PHACTR2: variants seen among roughly 807,000 people sequenced by gnomAD.
The protein encoded by PHACTR2 is chromosome 6 open reading frame 56.
In PHACTR2, 30 loss-of-function variants were observed where a neutral mutation model predicts 76.0. The ratio of observed to expected loss-of-function variants is 0.39; its 90% CI spans 0.30 to 0.54. The LOEUF (loss-of-function observed/expected upper bound fraction) is 0.54, where lower values mean the gene tolerates loss of function less well. Among genes scored for constraint, PHACTR2 ranks in the 20% least tolerant of loss-of-function variants. The probability of loss-of-function intolerance (pLI) is 0.61; values close to 1 mark genes in which losing one functional copy is unlikely to be tolerated. For missense variants in PHACTR2, 696 were observed against 781.1 expected, an observed-to-expected ratio of 0.89 and a Z score of 1.30; for synonymous variants, 292 against 292.5, an observed-to-expected ratio of 1.00 and a Z score of 0.02.
intron 5 of PHACTR2, among the ~76,000 whole-genome samples, chr6:143,762,126 A>G (rs1779456688): frequency 6.6e-6 from 1 of 152,136 alleles, no homozygotes; most frequent in Non-Finnish European, 1.5e-5. Context: ...AAACCCTAGA[A>G]GCACTGCTTA....
chr6:143,565,822 G>A (rs9376759), intron 1 of PHACTR2, among the ~76,000 whole-genome samples: 86,798 of 151,522 alleles, frequency 0.57, 25,579 homozygotes, highest in Middle Eastern at 0.71. Context: ...GCTGCAGGGT[G>A]GAGTGAGGGC....
rs1194326146 is a variant in PHACTR2, at chr6:143,570,232, T to A, written c.217+33025T>A. Among the ~76,000 whole-genome samples, 1 of 152,220 alleles carries A rather than the reference T, an allele frequency of 6.6e-6. No homozygotes were observed. The highest frequency in any genetic ancestry group is 6.5e-5 in the Admixed American group (1 of 15,280). The stretch of plus-strand genomic sequence containing the variant: ...GTGTGCATGACATTTTTAGAAATAA[T>A]GATTTGCTTTGCTGATATTAAAAAA... On this transcript the variant is annotated intron_variant, in intron 1 of 11. Coordinates refer to the PHACTR2 transcript ENST00000367584. This position sits in a 1 kb window ranked among gnomAD's most constrained non-coding sequence, Gnocchi z 4.6.
In PHACTR2 at chr6:143,700,846, A is replaced by G. The variant is rs563285757; in HGVS notation, c.47-11170A>G. ...ACTCCGGGAGTTGTTGTATATGACTAACATCTACGGGGAACAAGATAGGTT... is the reference window on the plus strand; with the variant it reads ...ACTCCGGGAGTTGTTGTATATGACTGACATCTACGGGGAACAAGATAGGTT... On this transcript the variant is annotated intron_variant, in intron 1 of 12. Coordinates refer to ENST00000440869, the MANE Select transcript of PHACTR2 (RefSeq NM_001100164.2). This position sits in a 1 kb window ranked among gnomAD's most constrained non-coding sequence, Gnocchi z 4.1. Among the ~76,000 whole-genome samples the G allele has an allele frequency of 2.0e-5, 3 of 152,328 alleles. No homozygotes were observed. Among genetic ancestry groups the G allele is most frequent in the Admixed American group, 1.3e-4 (2 of 15,304 alleles).
Position 143,731,351 on chromosome 6 carries a change from G to A in PHACTR2, c.215-17634G>A, listed in dbSNP as rs112853525. Among the ~76,000 whole-genome samples the A allele has an allele frequency of 0.098, 14,841 of 151,902 alleles. 1,336 individuals carry two copies. Among genetic ancestry groups the A allele is most frequent in the African/African-American group, 0.24 (9,832 of 41,392 alleles). ...TGCCCAGGCTGGAGTGCAATGGCAC[G>A]GTCTTGGCTCACAGCAACCTCCGCC... On this transcript the variant is annotated intron_variant, in intron 2 of 12. Coordinates refer to ENST00000440869, the MANE Select transcript of PHACTR2 (RefSeq NM_001100164.2). The surrounding 1 kb of genome is among the most constrained non-coding windows in gnomAD (Gnocchi z 4.9).
intron 7 of PHACTR2, among the ~76,000 whole-genome samples, chr6:143,773,811 T>G (rs2295202): frequency 2.0e-5 from 3 of 152,166 alleles, no homozygotes; most frequent in Admixed American, 1.3e-4. Flanking sequence ...GATGAAGTGA[T>G]ACTTCTAAGT....
chr6:143,762,367 A>G (rs1001147005), intron 5 of PHACTR2, among the ~76,000 whole-genome samples: 2 of 152,106 alleles, frequency 1.3e-5, no homozygotes, highest in Non-Finnish European at 2.9e-5. Flanking sequence ...TTTTCCAGAT[A>G]TTTTGCTTGA....
rs1752912651 is a variant in PHACTR2 at position 143,688,236 on chromosome 6, TG to T, written c.46+10029del. 6.6e-6 allele frequency among the ~76,000 whole-genome samples: 1 copy of T among 151,888 alleles called. No homozygotes were observed. The highest frequency in any genetic ancestry group is 2.4e-5 in the African/African-American group (1 of 41,340). On this transcript the variant is annotated intron_variant, in intron 1 of 12. Coordinates refer to ENST00000440869, the MANE Select transcript of PHACTR2 (RefSeq NM_001100164.2). This position sits in a 1 kb window ranked among gnomAD's most constrained non-coding sequence, Gnocchi z 5.2. ...TATTGCTTTGCCTCCGGAGATGAGT[TG>T]GCCTGCCGCATGCAGTATAGATTTC...
At position 143,818,986 on chromosome 6, in the gene PHACTR2, A is replaced by C. The variant is rs1441383506; in HGVS notation, c.1923-4688A>C. ...TCAGGTTGTGGTTGACTCTTCCTAG[A>C]AAACATTTTGGAATGTCCTGTCAGG... On this transcript the variant is annotated intron_variant, in intron 12 of 12. Coordinates refer to ENST00000440869, the MANE Select transcript of PHACTR2 (RefSeq NM_001100164.2). This position sits in a 1 kb window ranked among gnomAD's most constrained non-coding sequence, Gnocchi z 4.9. Among the ~76,000 whole-genome samples the C allele has an allele frequency of 1.3e-5, 2 of 152,218 alleles. No individual in the cohort carries two copies. The highest frequency in any genetic ancestry group is 4.8e-5 in the African/African-American group (2 of 41,442).
rs1245747814 is a variant in PHACTR2, at chr6:143,537,825, G to A, written c.217+618G>A. Reference sequence around the variant, plus strand: ...TTTAACATGTTTTGAAAAAGCCTCGGCCAGGAGCGGTGGCTCACGCCTGTA... The same window carrying A: ...TTTAACATGTTTTGAAAAAGCCTCGACCAGGAGCGGTGGCTCACGCCTGTA... On this transcript the variant is annotated intron_variant, in intron 1 of 11. Transcript: ENST00000367584. This position sits in a 1 kb window ranked among gnomAD's most constrained non-coding sequence, Gnocchi z 4.4. Among the ~76,000 whole-genome samples the A allele has an allele frequency of 6.6e-6, 1 of 152,204 alleles. No individual in the cohort carries two copies. Among genetic ancestry groups the A allele is most frequent in the African/African-American group, 2.4e-5 (1 of 41,450 alleles).
In PHACTR2 at chr6:143,656,980, CA is replaced by C; in HGVS notation, c.13+48663del. On this transcript the variant is annotated intron_variant, in intron 1 of 11. Transcript: ENST00000305766. The surrounding 1 kb of genome is among the most constrained non-coding windows in gnomAD (Gnocchi z 5.3). Reference sequence around the variant, plus strand: ...TGGCTACTTTTTATTTTTTACTTTTCAAAAATTGTGGTACACACTGCATCTT... The same window carrying C: ...TGGCTACTTTTTATTTTTTACTTTTCAAAATTGTGGTACACACTGCATCTT... Among the ~76,000 whole-genome samples, 1 of 149,554 alleles carries C rather than the reference CA, an allele frequency of 6.7e-6. No homozygotes were observed. Among genetic ancestry groups the C allele is most frequent in the East Asian group, 2.0e-4 (1 of 5,072 alleles).
In PHACTR2 at chr6:143,565,242, T is replaced by C. The variant is rs548607541; in HGVS notation, c.217+28035T>C. Among the ~76,000 whole-genome samples the C allele has an allele frequency of 5.3e-5, 8 of 152,260 alleles. No individual in the cohort carries two copies. The East Asian group carries it at 1.4e-3, about 26-fold the overall frequency. On this transcript the variant is annotated intron_variant, in intron 1 of 11. Coordinates refer to the PHACTR2 transcript ENST00000367584. Reference sequence around the variant, plus strand: ...CTGCTCAGATACAGAAAATAAGGGATACACATCATACAAAAATACATAATA... The same window carrying C: ...CTGCTCAGATACAGAAAATAAGGGACACACATCATACAAAAATACATAATA...
At chr6:143,734,394 C>T (rs1395503524) in intron 2 of PHACTR2, among the ~76,000 whole-genome samples, 2 of 152,114 alleles carry the variant, frequency 1.3e-5, no homozygotes, top group South Asian at 2.1e-4. Flanking sequence ...GTGTTTAATC[C>T]AAGCCGAGCT....
At chr6:143,802,663 A>G (rs1227246694) in intron 11 of PHACTR2, among the ~76,000 whole-genome samples, 1 of 151,544 alleles carries the variant, frequency 6.6e-6, no homozygotes, top group Admixed American at 6.6e-5. Flanking sequence ...AAAAAAAAAA[A>G]ATCAGTCCTA....
chr6:143,696,240 A>G lies in PHACTR2; in HGVS notation c.47-15776A>G, dbSNP rs949721589. 2.0e-5 allele frequency among the ~76,000 whole-genome samples: 3 copies of G among 152,158 alleles called. No homozygotes were observed. The highest frequency in any genetic ancestry group is 4.4e-5 in the Non-Finnish European group (3 of 68,034). ...TTTCCCTCGAGTCTTAGTTGGTTTTAGCAGCTCCCAGCAATTATCTTGAGA... is the reference window on the plus strand; with the variant it reads ...TTTCCCTCGAGTCTTAGTTGGTTTTGGCAGCTCCCAGCAATTATCTTGAGA... On this transcript the variant is annotated intron_variant, in intron 1 of 12. Transcript: ENST00000440869. The surrounding 1 kb of genome is among the most constrained non-coding windows in gnomAD (Gnocchi z 4.1).
chr6:143,814,975 G>A (rs1170966542), intron 12 of PHACTR2, among the ~76,000 whole-genome samples: 1 of 151,938 alleles, frequency 6.6e-6, no homozygotes, highest in Non-Finnish European at 1.5e-5. Context: ...GTGGGTTTAC[G>A]GTTAAAGTAA....
At chr6:143,744,437 A>G (rs1779010195) in intron 2 of PHACTR2, among the ~76,000 whole-genome samples, 1 of 152,246 alleles carries the variant, frequency 6.6e-6, no homozygotes, top group South Asian at 2.1e-4. Context: ...CAATGAGATT[A>G]TACTTACACA....
intron 1 of PHACTR2, among the ~76,000 whole-genome samples, chr6:143,687,621 G>A (rs1433562208): frequency 1.3e-5 from 2 of 152,102 alleles, no homozygotes; most frequent in African/African-American, 2.4e-5. Context: ...CTAAAAGGTC[G>A]GTCTAACCAT....
rs890249969 is a variant in PHACTR2, at chr6:143,646,410, A to G, written c.13+38088A>G. 2.0e-5 allele frequency among the ~76,000 whole-genome samples: 3 copies of G among 152,212 alleles called. No homozygotes were observed. The highest frequency in any genetic ancestry group is 4.4e-5 in the Non-Finnish European group (3 of 68,028). ...AATAACTAAATTCAGTAGCTCTCAA[A>G]TATCCATAGTATGAGTGACAGACCT... On this transcript the variant is annotated intron_variant, in intron 1 of 11. Transcript: ENST00000305766. This position sits in a 1 kb window ranked among gnomAD's most constrained non-coding sequence, Gnocchi z 4.1.
rs1156299550 is a variant in PHACTR2, at chr6:143,774,344, G to A, written c.1589+129G>A. On this transcript the variant is annotated intron_variant, in intron 8 of 12. Coordinates refer to ENST00000440869, the MANE Select transcript of PHACTR2 (RefSeq NM_001100164.2). The surrounding 1 kb of genome is among the most constrained non-coding windows in gnomAD (Gnocchi z 5.4). ...CATCTGGCCTACTGGGTCTTTTAAA[G>A]TTGGTCTTGCATGATGAAACACTCG... 1 of 635,816 alleles carries A rather than the reference G, an allele frequency of 1.6e-6. No individual in the cohort carries two copies. The highest frequency in any genetic ancestry group is 3.1e-5 in the East Asian group (1 of 32,020). 39.4% of individuals were successfully genotyped at this position (635,816 alleles called of 1,614,324 possible).
Sources: gnomAD v4.1 joint callset for allele counts (sites outside exome capture counted in the v4.1 genomes callset) on GRCh38, gnomAD v4.1.1 for gene constraint, Gnocchi (gnomAD v3.1) non-coding constraint, MANE v1.5 for transcripts, NCBI Gene and HGNC (gene_info 2026-07-23, HGNC 2026-07-21) for gene names.